Variants in PXDNL observed in about 807,000 individuals in gnomAD.
PXDNL encodes peroxidasin like, also known as probable oxidoreductase PXDNL.
In PXDNL, 145 loss-of-function variants were observed where a neutral mutation model predicts 150.8. The observed-to-expected ratio is 0.96, with a 90% CI of 0.84 to 1.10. The LOEUF (loss-of-function observed/expected upper bound fraction) is 1.10. Ranked by LOEUF, PXDNL falls within the 50% of genes least tolerant of loss-of-function variation. The pLI is 0.00. For missense variants in PXDNL, 2,087 were observed against 1,873.9 expected, an observed-to-expected ratio of 1.11 and a Z score of -2.10; for synonymous variants, 757 against 725.7, an observed-to-expected ratio of 1.04 and a Z score of -0.69.
chr8:51,390,269 G>A (rs1040658388), intron 17 of PXDNL, among the ~76,000 whole-genome samples: 2 of 152,146 alleles, frequency 1.3e-5, no homozygotes, highest in Admixed American at 6.6e-5. Context: ...AGGCTCATAA[G>A]TATTTGCAAA....
chr8:51,760,452 G>A (rs992601056), intron 1 of PXDNL, among the ~76,000 whole-genome samples: 1 of 152,000 alleles, frequency 6.6e-6, no homozygotes. Context: ...TCCTCCCTTG[G>A]AAATTTGTCA....
At chr8:51,423,505 A>G (rs1809009586) in intron 14 of PXDNL, 70 bp downstream of exon 14, 21 of 1,340,328 alleles carry the variant, frequency 1.6e-5, no homozygotes, top group Middle Eastern at 1.9e-4. Flanking sequence ...AGATCAGTCA[A>G]ATAGGATTGG....
intron 8 of PXDNL, among the ~76,000 whole-genome samples, chr8:51,458,895 T>C (rs1018220945): frequency 3.9e-5 from 6 of 152,302 alleles, no homozygotes; most frequent in Middle Eastern, 6.8e-3. Flanking sequence ...GCAGGAAAGA[T>C]GAAGACAATC....
chr8:51,322,496 A>C (rs1040125410), intron 21 of PXDNL, among the ~76,000 whole-genome samples: 2 of 152,258 alleles, frequency 1.3e-5, no homozygotes, highest in East Asian at 1.9e-4. Flanking sequence ...AAAGTCACAT[A>C]AATTAATTAA....
chr8:51,357,223 A>G (rs1806536787), intron 19 of PXDNL, among the ~76,000 whole-genome samples: 2 of 152,200 alleles, frequency 1.3e-5, no homozygotes, highest in Non-Finnish European at 1.5e-5. Context: ...GTATTAATGG[A>G]CTAAGTTATA....
At chr8:51,536,197 A>G (rs1226228268) in intron 4 of PXDNL, among the ~76,000 whole-genome samples, 3 of 152,246 alleles carry the variant, frequency 2.0e-5, no homozygotes. Flanking sequence ...AGGAGGCTAG[A>G]GCCGAAGCAA....
In PXDNL at chr8:51,372,066, G is replaced by T. The variant is rs761975554; in HGVS notation, c.3708C>A (p.Asn1236Lys). Residue 1236 changes from asparagine (N) to lysine (K), a missense_variant, in exon 19 of 23, where the codon AAC becomes AAA. Physicochemically the swap from Asn to Lys is moderately conservative, Grantham distance 94. Transcript: ENST00000356297. ...GTTGTGCCGGGGTAAATACTCCAGG[G>T]TTTTCATACCAGAACCTGGTAGTCA... Reference protein sequence around the residue: ...LRDGDRFWYENPGVFTPAQLT... With the variant: ...LRDGDRFWYEKPGVFTPAQLT... 3.8e-4 allele frequency: 610 copies of T among 1,588,514 alleles called. 1 individual carries two copies. Among genetic ancestry groups the T allele is most frequent in the Non-Finnish European group, 5.1e-4 (596 of 1,167,448 alleles).
intron 11 of PXDNL, among the ~76,000 whole-genome samples, chr8:51,448,429 G>A (rs903405955): frequency 6.6e-6 from 1 of 152,230 alleles, no homozygotes; most frequent in Non-Finnish European, 1.5e-5. Context: ...TTGCGGCCGG[G>A]CGCGGTGGCT....
In PXDNL at chr8:51,744,873, GGAAAGA is replaced by G. The variant is rs1279461848; in HGVS notation, c.164+64302_164+64307del. ...GGAAAGAAGGAAAGAGAAAGAAAAG[GGAAAGA>G]GAAAGAGAAGGAAGGAAAGAAGGAA... is the stretch of plus-strand genomic sequence containing the variant. On this transcript the variant is annotated intron_variant, in intron 1 of 22. Coordinates refer to ENST00000356297, the MANE Select transcript of PXDNL (RefSeq NM_144651.5). 6.9e-5 allele frequency among the ~76,000 whole-genome samples: 10 copies of G among 144,112 alleles called. No individual in the cohort carries two copies. In the South Asian group the frequency reaches 1.8e-3, roughly 26 times the overall value. The allele number at this position is 144,112 out of a possible 152,430, so 94.5% of individuals were successfully genotyped here. A position where few individuals can be genotyped will look rare whatever the true frequency, so the allele number is the denominator to read the frequency against.
chr8:51,702,371 GA>G (rs1816274783), intron 1 of PXDNL, among the ~76,000 whole-genome samples: 1 of 152,154 alleles, frequency 6.6e-6, no homozygotes, highest in African/African-American at 2.4e-5. Context: ...TTTAGGGTAA[GA>G]ATTGAATGAG....
intron 1 of PXDNL, among the ~76,000 whole-genome samples, chr8:51,732,700 T>C (rs919250397): frequency 1.3e-5 from 2 of 152,158 alleles, no homozygotes; most frequent in African/African-American, 4.8e-5. Flanking sequence ...CTCACAATTA[T>C]GGCAGAAGGC....
chr8:51,696,093 C>T (rs1401770468), intron 1 of PXDNL, among the ~76,000 whole-genome samples: 1 of 152,134 alleles, frequency 6.6e-6, no homozygotes, highest in African/African-American at 2.4e-5. Flanking sequence ...AGTTCTTGGC[C>T]TTGTACACTT....
chr8:51,676,490 TG>T (rs528492418), intron 1 of PXDNL, among the ~76,000 whole-genome samples: 138 of 152,132 alleles, frequency 9.1e-4, no homozygotes, highest in Non-Finnish European at 1.1e-3. Flanking sequence ...TTGGCCAGGC[TG>T]GTCTCGAACT....
At chr8:51,798,597 A>C (rs975557718) in intron 1 of PXDNL, among the ~76,000 whole-genome samples, 1 of 152,158 alleles carries the variant, frequency 6.6e-6, no homozygotes, top group African/African-American at 2.4e-5. Flanking sequence ...CACATTACTG[A>C]TCATTAGAGA....
chr8:51,664,200 T>C (rs1301102167), intron 1 of PXDNL, among the ~76,000 whole-genome samples: 1 of 152,052 alleles, frequency 6.6e-6, no homozygotes, highest in East Asian at 1.9e-4. Context: ...AACTGCAAAG[T>C]CTAACTCGGA....
At chr8:51,368,509 C>A (rs967501214) in intron 19 of PXDNL, among the ~76,000 whole-genome samples, 1 of 150,944 alleles carries the variant, frequency 6.6e-6, no homozygotes, top group African/African-American at 2.4e-5. Flanking sequence ...AGCTATTATT[C>A]GTGGGAAACA....
At chr8:51,677,910 G>A (rs1421241107) in intron 1 of PXDNL, among the ~76,000 whole-genome samples, 1 of 152,170 alleles carries the variant, frequency 6.6e-6, no homozygotes, top group African/African-American at 2.4e-5. Flanking sequence ...AGCTAATACT[G>A]CTAGAAGGAA....
chr8:51,740,696 T>G (rs2130952294), intron 1 of PXDNL, among the ~76,000 whole-genome samples: 1 of 152,336 alleles, frequency 6.6e-6, no homozygotes, highest in Non-Finnish European at 1.5e-5. Flanking sequence ...TCTTGTAATT[T>G]TGTTTAAATT....
chr8:51,676,793 G>A (rs1288225056), intron 1 of PXDNL, among the ~76,000 whole-genome samples: 2 of 152,156 alleles, frequency 1.3e-5, no homozygotes, highest in Non-Finnish European at 2.9e-5. Flanking sequence ...GTATTATCAA[G>A]CTCAGTGTCA....
Sources: gnomAD v4.1 joint callset for allele counts (sites outside exome capture counted in the v4.1 genomes callset) on GRCh38, gnomAD v4.1.1 for gene constraint, MANE v1.5 for transcripts, NCBI Gene and HGNC (gene_info 2026-07-23, HGNC 2026-07-21) for gene names.